The following WASF3 variants were observed in gnomAD, a reference collection of about 807,000 sequenced individuals.
The protein encoded by WASF3 is actin-binding protein WASF3.
A neutral mutation model predicts 46.6 loss-of-function variants in WASF3; 11 were observed. That is an observed-to-expected ratio of 0.24 (90% CI 0.15 to 0.39). The LOEUF (loss-of-function observed/expected upper bound fraction) is 0.39, where lower values mean the gene tolerates loss of function less well. Ranked by LOEUF, WASF3 falls within the 10% of genes least tolerant of loss-of-function variation. The probability of loss-of-function intolerance (pLI) is 1.00; values close to 1 mark genes in which losing one functional copy is unlikely to be tolerated. For synonymous variants in WASF3, 242 were observed against 259.7 expected, an observed-to-expected ratio of 0.93 and a Z score of 0.65; for missense variants, 576 against 669.8, an observed-to-expected ratio of 0.86 and a Z score of 1.55.
Position 26,682,481 on chromosome 13 carries a change from C to G in WASF3, c.984-126C>G. The stretch of plus-strand genomic sequence containing the variant: ...CCAAGGTGTGCATGTTTGCATCCTG[C>G]CATGATTGAAGTTCAGGTGACAATA... On this transcript the variant is annotated intron_variant, in intron 8 of 9. Transcript: ENST00000335327. The surrounding 1 kb of genome is among the most constrained non-coding windows in gnomAD (Gnocchi z 4.4). 2.7e-6 allele frequency: 3 copies of G among 1,116,482 alleles called. No homozygotes were observed. Among genetic ancestry groups the G allele is most frequent in the Non-Finnish European group, 3.9e-6 (3 of 760,682 alleles). The allele number at this position is 1,116,482 out of a possible 1,614,324, so 69.2% of individuals were successfully genotyped here. A position where few individuals can be genotyped will look rare whatever the true frequency, so the allele number is the denominator to read the frequency against.
chr13:26,661,724 C>T (rs1043432074), intron 3 of WASF3, among the ~76,000 whole-genome samples: 1 of 152,228 alleles, frequency 6.6e-6, no homozygotes, highest in Non-Finnish European at 1.5e-5. Flanking sequence ...TTCTCACCAA[C>T]AGCGCACAGG....
At chr13:26,667,269 T>C (rs1429979204) in intron 4 of WASF3, among the ~76,000 whole-genome samples, 2 of 152,160 alleles carry the variant, frequency 1.3e-5, no homozygotes, top group African/African-American at 4.8e-5. Context: ...ACTCTAGTAT[T>C]AGGTTCAGTG....
At chr13:26,552,475 G>A in the WASF3 span, among the ~76,000 whole-genome samples, 4 of 152,144 alleles carry the variant, frequency 2.6e-5, no homozygotes, top group African/African-American at 4.8e-5. Flanking sequence ...GGATATGTAT[G>A]TATTTATTTC....
intron 2 of WASF3, chr13:26,642,060 A>G (rs1882014409): frequency 2.7e-6 from 1 of 374,520 alleles, no homozygotes; most frequent in Admixed American, 4.6e-5. Flanking sequence ...ATGAAGTGAG[A>G]TTATACTATA....
chr13:26,562,034 G>GT (rs34224260), intron 1 of WASF3, among the ~76,000 whole-genome samples: 1 of 152,136 alleles, frequency 6.6e-6, no homozygotes, highest in African/African-American at 2.4e-5. Context: ...AAGTACTTAC[G>GT]TTTTTAACAT....
intron 3 of WASF3, among the ~76,000 whole-genome samples, chr13:26,660,194 GTTTTTTTTTTT>G (rs71080285): frequency 6.9e-5 from 3 of 43,362 alleles, no homozygotes; most frequent in South Asian, 1.9e-3. Flanking sequence ...TTTTTGTTTG[GTTTTTTTTTTT>G]TTTTTTTTTT....
the WASF3 span, among the ~76,000 whole-genome samples, chr13:26,551,604 C>T: frequency 6.6e-6 from 1 of 152,064 alleles, no homozygotes; most frequent in Admixed American, 6.5e-5. Flanking sequence ...TGAAGGAGTG[C>T]AAGGAGAGTA....
At chr13:26,562,718 A>T (rs1233348256) in intron 1 of WASF3, among the ~76,000 whole-genome samples, 1 of 151,796 alleles carries the variant, frequency 6.6e-6, no homozygotes, top group East Asian at 1.9e-4. Flanking sequence ...GTGGAACCTC[A>T]TTGCTGTGGA....
intron 1 of WASF3, among the ~76,000 whole-genome samples, chr13:26,582,241 C>T (rs945741386): frequency 6.6e-6 from 1 of 152,132 alleles, no homozygotes; most frequent in African/African-American, 2.4e-5. Context: ...GCTCTGTTGC[C>T]TCTAAGACCT....
At chr13:26,641,238 C>T (rs529153024) in intron 2 of WASF3, 1 of 152,280 alleles carries the variant, frequency 6.6e-6, no homozygotes, top group East Asian at 1.9e-4. Flanking sequence ...AGCCACCCCA[C>T]CTGTTTTATC....
chr13:26,661,233 C>A (rs771354691), intron 3 of WASF3, among the ~76,000 whole-genome samples: 1 of 152,236 alleles, frequency 6.6e-6, no homozygotes, highest in Non-Finnish European at 1.5e-5. Flanking sequence ...AGAATGTTGT[C>A]ATCCTGCAGA....
intron 1 of WASF3, among the ~76,000 whole-genome samples, chr13:26,561,290 G>C (rs1879287310): frequency 6.6e-6 from 1 of 152,162 alleles, no homozygotes; most frequent in African/African-American, 2.4e-5. Flanking sequence ...AGGGAAATTT[G>C]AGGAGGTAGA....
intron 1 of WASF3, among the ~76,000 whole-genome samples, chr13:26,603,852 G>C (rs978530645): frequency 9.9e-5 from 15 of 152,090 alleles, no homozygotes; most frequent in African/African-American, 3.4e-4. Flanking sequence ...GTGATTCATA[G>C]GTGGCATGAT....
At chr13:26,551,055 G>C in the WASF3 span, among the ~76,000 whole-genome samples, 3 of 152,182 alleles carry the variant, frequency 2.0e-5, no homozygotes, top group Non-Finnish European at 4.4e-5. Context: ...CTCCCTTGCT[G>C]TTCTCATGAT....
chr13:26,550,032 A>C, the WASF3 span, among the ~76,000 whole-genome samples: 4 of 152,204 alleles, frequency 2.6e-5, no homozygotes, highest in Admixed American at 6.5e-5. Flanking sequence ...TTTTAGGAGC[A>C]AATTAGGAAC....
chr13:26,664,170 G>A (rs1025233019), intron 3 of WASF3, among the ~76,000 whole-genome samples: 8 of 152,198 alleles, frequency 5.3e-5, no homozygotes, highest in African/African-American at 1.9e-4. Flanking sequence ...CTCTAATGAA[G>A]TTTTCTTCCT....
At chr13:26,552,387 G>T in the WASF3 span, among the ~76,000 whole-genome samples, 1 of 152,126 alleles carries the variant, frequency 6.6e-6, no homozygotes, top group African/African-American at 2.4e-5. Context: ...TTGCTCTGAT[G>T]AGATAATTGG....
At chr13:26,600,755 A>T (rs1284928746) in intron 1 of WASF3, among the ~76,000 whole-genome samples, 1 of 152,184 alleles carries the variant, frequency 6.6e-6, no homozygotes, top group Non-Finnish European at 1.5e-5. Context: ...GACGAACAGG[A>T]GCATCCGCTC....
intron 3 of WASF3, among the ~76,000 whole-genome samples, chr13:26,653,048 TAAAAG>T (rs1224428702): frequency 2.6e-5 from 4 of 152,122 alleles, no homozygotes; most frequent in Non-Finnish European, 5.9e-5. Flanking sequence ...ATTTCACTGG[TAAAAG>T]AAAAGCAATC....
Sources: allele counts gnomAD v4.1 joint callset (sites outside exome capture counted in the v4.1 genomes callset), GRCh38; gene constraint gnomAD v4.1.1; non-coding constraint Gnocchi (gnomAD v3.1); transcripts MANE v1.5; gene names NCBI Gene and HGNC (gene_info 2026-07-23, HGNC 2026-07-21).